Variants in ULK2 observed in about 807,000 individuals in gnomAD.
The protein encoded by ULK2 is unc-51 like autophagy activating kinase 2.
A neutral mutation model predicts 127.5 loss-of-function variants in ULK2; 76 were observed. That is an observed-to-expected ratio of 0.60 (90% CI 0.50 to 0.72). The LOEUF (loss-of-function observed/expected upper bound fraction) is 0.72. ULK2 is among the 30% of genes least tolerant of loss of function. The pLI, the probability that ULK2 is intolerant of heterozygous loss-of-function variation, is 0.00. For missense variants in ULK2, 1,144 were observed against 1,295.9 expected (o/e 0.88, Z 1.80); for synonymous variants, 452 against 461.9 (o/e 0.98, Z 0.28).
chr17:19,786,399 G>A lies in ULK2; in HGVS notation c.2102-313C>T, dbSNP rs145831749. Among the ~76,000 whole-genome samples, 1,121 of 152,172 alleles carry A rather than the reference G, an allele frequency of 7.4e-3. 9 individuals are homozygous for A. The highest frequency in any genetic ancestry group is 0.025 in the African/African-American group (1,047 of 41,514). On this transcript the variant is annotated intron_variant, in intron 20 of 26. Transcript: ENST00000395544. ...TGAAGACAGTACTAAAAAAATGAAC[G>A]CCAAGAACTGGGAATAAAAACAGGT...
chr17:19,812,915 T>C (rs1426311093), intron 13 of ULK2, among the ~76,000 whole-genome samples: 1 of 152,144 alleles, frequency 6.6e-6, no homozygotes, highest in Non-Finnish European at 1.5e-5. Context: ...TCTCCCACTA[T>C]AGCAAAAAAC....
intron 12 of ULK2, among the ~76,000 whole-genome samples, chr17:19,824,155 G>A (rs1339268563): frequency 6.6e-6 from 1 of 152,156 alleles, no homozygotes; most frequent in Admixed American, 6.5e-5. Context: ...TCTGCCAGCG[G>A]CATTCAAGAA....
chr17:19,858,696 G>A lies in ULK2; in HGVS notation c.225+6107C>T, dbSNP rs117208453. Among the ~76,000 whole-genome samples the A allele has an allele frequency of 1.0e-2, 1,517 of 152,288 alleles. 10 individuals carry two copies. The highest frequency in any genetic ancestry group is 0.016 in the Non-Finnish European group (1,071 of 68,024). ...AAGAAAAAAAAAATACCAGCTGGGC[G>A]CAGTGGCTCACATCTGTAATCCCAG... On this transcript the variant is annotated intron_variant, in intron 3 of 26. Transcript: ENST00000395544.
intron 12 of ULK2, among the ~76,000 whole-genome samples, chr17:19,823,709 G>A (rs765290759): frequency 7.2e-5 from 11 of 152,090 alleles, no homozygotes; most frequent in African/African-American, 2.2e-4. Context: ...CTAACTGACC[G>A]GCCCAAAGTC....
rs1393000875 is a variant in ULK2 at position 19,778,155 on chromosome 17, G to A, written c.2917-439C>T. On this transcript the variant is annotated intron_variant, in intron 25 of 26. Transcript: ENST00000395544. ...TCTAGCCAAATAATTTTTGGGTGTA[G>A]TCATTCATTCATTCAAAGATACTTA... Among the ~76,000 whole-genome samples the A allele has an allele frequency of 2.6e-5, 4 of 152,200 alleles. No individual in the cohort carries two copies. The East Asian group carries it at 7.7e-4, about 29-fold the overall frequency.
At chr17:19,835,269 CCT>C (rs1288394699) in intron 10 of ULK2, among the ~76,000 whole-genome samples, 1 of 151,038 alleles carries the variant, frequency 6.6e-6, no homozygotes, top group Non-Finnish European at 1.5e-5. Context: ...CCTGCCTCAG[CCT>C]CTCGAGTAGC....
At chr17:19,832,283 T>C (rs2152394541) in intron 10 of ULK2, among the ~76,000 whole-genome samples, 1 of 149,402 alleles carries the variant, frequency 6.7e-6, no homozygotes, top group South Asian at 2.1e-4. Flanking sequence ...TTTTTTTTTC[T>C]TTTTATACAG....
intron 14 of ULK2, among the ~76,000 whole-genome samples, chr17:19,807,574 AAAATGCATATTCACTGGT>A (rs1331466640): frequency 1.3e-5 from 2 of 152,218 alleles, no homozygotes; most frequent in South Asian, 2.1e-4. Context: ...GCTTTAGAGA[AAAATGCATATTCACTGGT>A]AAAGGAAAGT....
rs138830055 is a variant in ULK2, at chr17:19,790,796, T to A, written c.2102-4710A>T. On this transcript the variant is annotated intron_variant, in intron 20 of 26. Transcript: ENST00000395544. ...TTCACCTATAGAGACACATGTAGAC[T>A]GATAATAAAGGGATGGAAAAAGATA... Among the ~76,000 whole-genome samples the A allele has an allele frequency of 3.9e-5, 6 of 152,092 alleles. No homozygotes were observed. In the East Asian group the frequency reaches 1.2e-3, roughly 29 times the overall value.
intron 18 of ULK2, 78 bp downstream of exon 18, chr17:19,797,318 A>T: frequency 7.1e-7 from 1 of 1,408,966 alleles, no homozygotes; most frequent in Non-Finnish European, 9.5e-7. Flanking sequence ...TAAAAAAATT[A>T]TAGCTATTCT....
chr17:19,780,558 G>A lies in ULK2; in HGVS notation c.2830C>T (p.Arg944Ter). Reference protein sequence around the residue: ...MCKKLTEKLNRFFSDKQRFID... With the variant: ...MCKKLTEKLN ...AACCTCTGTTTGTCAGAGAAGAATC[G>A]ATTCAGCTTTTCTGTAAGTTTCTTG... Residue 944 changes from arginine (R) to a stop codon, truncating the protein, a stop_gained, in exon 25 of 27, where the codon CGA becomes TGA. Coordinates refer to ENST00000395544, the MANE Select transcript of ULK2 (RefSeq NM_014683.4). LOFTEE classifies it high-confidence loss of function. 1 of 1,613,732 alleles carries A rather than the reference G, an allele frequency of 6.2e-7. No individual in the cohort carries two copies. Among genetic ancestry groups the A allele is most frequent in the Non-Finnish European group, 8.5e-7 (1 of 1,179,882 alleles).
intron 25 of ULK2, among the ~76,000 whole-genome samples, chr17:19,778,568 G>A (rs886836349): frequency 6.6e-6 from 1 of 152,138 alleles, no homozygotes; most frequent in Non-Finnish European, 1.5e-5. Context: ...TCCAGTATCC[G>A]AATTTACTTG....
chr17:19,783,632 T>C (rs1047843760), intron 22 of ULK2, 65 bp downstream of exon 22: 11 of 1,336,238 alleles, frequency 8.2e-6, no homozygotes, highest in African/African-American at 1.5e-5. Context: ...TTTGTTCTTG[T>C]CATCACTAGA....
In ULK2 at chr17:19,816,732, G is replaced by A. The variant is rs762162800; in HGVS notation, c.1096+17C>T. On this transcript the variant is annotated intron_variant, in intron 13 of 26. Transcript: ENST00000395544. Reference sequence around the variant, plus strand: ...AGATTAAGAAATACAATGTGTACAAGTAGAAAAGATTCTCACATGAGTGGT... The same window carrying A: ...AGATTAAGAAATACAATGTGTACAAATAGAAAAGATTCTCACATGAGTGGT... 14 of 1,552,436 alleles carry A rather than the reference G, an allele frequency of 9.0e-6. No homozygotes were observed. The highest frequency in any genetic ancestry group is 1.2e-5 in the Non-Finnish European group (14 of 1,156,570).
At chr17:19,812,970 C>A (rs1310738384) in intron 13 of ULK2, among the ~76,000 whole-genome samples, 1 of 152,114 alleles carries the variant, frequency 6.6e-6, no homozygotes, top group African/African-American at 2.4e-5. Flanking sequence ...GGTCTCTGAA[C>A]TGCAGAACAG....
chr17:19,781,237 CTTTTCT>C (rs2086913169), intron 23 of ULK2, 133 bp from the exon 24 acceptor site: 6 of 529,996 alleles, frequency 1.1e-5, no homozygotes, highest in Middle Eastern at 5.0e-4. Flanking sequence ...TTTCTTCTTT[CTTTTCT>C]TTTTTTTTTT....
At position 19,865,740 on chromosome 17, in the gene ULK2, A is replaced by C. The variant is rs138845606; in HGVS notation, c.179T>G (p.Leu60Ter). Reference sequence around the variant, plus strand: ...CTACTACATAAAGTAACATACCTTTAAGATTTTAATTTCCTTTCCAAGCAG... The same window carrying C: ...CTACTACATAAAGTAACATACCTTTCAGATTTTAATTTCCTTTCCAAGCAG... ...QILLGKEIKI[L>*]KELQHENIVA... The change falls in exon 2 of 27, where the codon TTA becomes TGA. Residue 60 changes from leucine (L) to a stop codon, truncating the protein, a stop_gained. Transcript: ENST00000395544. LOFTEE classifies it high-confidence loss of function. 1.3e-6 allele frequency: 2 copies of C among 1,494,846 alleles called. No homozygotes were observed. The allele number at this position is 1,494,846 out of a possible 1,614,324, so 92.6% of individuals were successfully genotyped here. A position where few individuals can be genotyped will look rare whatever the true frequency, so the allele number is the denominator to read the frequency against.
At chr17:19,850,484 T>C (rs889462688) in intron 3 of ULK2, among the ~76,000 whole-genome samples, 5 of 152,158 alleles carry the variant, frequency 3.3e-5, no homozygotes, top group Non-Finnish European at 7.3e-5. Context: ...AAAATTTAGA[T>C]TGAACTTCCC....
Position 19,785,804 on chromosome 17 carries a change from C to T in ULK2, c.2251+133G>A, listed in dbSNP as rs1274677786. 4.6e-6 allele frequency: 5 copies of T among 1,095,754 alleles called. No homozygotes were observed. In the South Asian group the frequency reaches 7.9e-5, roughly 17 times the overall value. 67.9% of individuals were successfully genotyped at this position (1,095,754 alleles called of 1,614,324 possible). ...CCATTAAGATAAAGAAAATAGTAATCTCCATTTCACTGGTAAAGAAACTGA... is the reference window on the plus strand; with the variant it reads ...CCATTAAGATAAAGAAAATAGTAATTTCCATTTCACTGGTAAAGAAACTGA... On this transcript the variant is annotated intron_variant, in intron 21 of 26. Transcript: ENST00000395544.
Sources: gnomAD v4.1 joint callset for allele counts (sites outside exome capture counted in the v4.1 genomes callset) on GRCh38, gnomAD v4.1.1 for gene constraint, MANE v1.5 for transcripts, NCBI Gene and HGNC (gene_info 2026-07-23, HGNC 2026-07-21) for gene names.